Variants in PDE4B observed in about 807,000 individuals in gnomAD.
PDE4B encodes phosphodiesterase 4B.
A neutral mutation model predicts 82.2 loss-of-function variants in PDE4B; 20 were observed. The observed-to-expected ratio is 0.24, with a 90% confidence interval of 0.17 to 0.35. The LOEUF (loss-of-function observed/expected upper bound fraction) is 0.35. Among genes scored for constraint, PDE4B ranks in the 10% least tolerant of loss-of-function variants. The pLI is 1.00. For synonymous variants in PDE4B, 320 were observed against 318.9 expected (o/e 1.00, Z -0.04); for missense variants, 655 against 907.2 (o/e 0.72, Z 3.57).
At chr1:65,842,072 A>G (rs1488206438) in intron 1 of PDE4B, among the ~76,000 whole-genome samples, 2 of 152,164 alleles carry the variant, frequency 1.3e-5, no homozygotes, top group Non-Finnish European at 2.9e-5. Context: ...ATGGACAATT[A>G]GAGGGAGCTA....
At chr1:65,825,626 G>A (rs527910909) in intron 1 of PDE4B, among the ~76,000 whole-genome samples, 9 of 151,946 alleles carry the variant, frequency 5.9e-5, no homozygotes, top group South Asian at 4.2e-4. Flanking sequence ...CAAGCAGTTC[G>A]CTTGAGCTCT....
rs1318329894 is a variant in PDE4B, at chr1:66,363,258, A to G, written c.1111A>G (p.Ile371Val). The G allele has an allele frequency of 6.2e-7, 1 of 1,607,172 alleles. No individual in the cohort carries two copies. The highest frequency in any genetic ancestry group is 8.5e-7 in the Non-Finnish European group (1 of 1,174,018). Residue 371 changes from isoleucine to valine, a missense_variant, in exon 11 of 17, where the codon ATA becomes GTA. This residue lies in a region of PDE4B where 283 missense variants were observed against 516.4 expected (regional missense o/e 0.55). Coordinates refer to ENST00000341517, the MANE Select transcript of PDE4B (RefSeq NM_002600.4). ...NRPLTCIMYA[I>V]FQERDLLKTF... is the part of the protein sequence containing the mutation. The stretch of plus-strand genomic sequence containing the variant: ...ACCCCTAACATGCATCATGTATGCT[A>G]TATTCCAGGTGAGTGAACAGGAGTG...
At chr1:66,193,757 A>G (rs1005426337) in intron 3 of PDE4B, among the ~76,000 whole-genome samples, 8 of 152,150 alleles carry the variant, frequency 5.3e-5, no homozygotes, top group Admixed American at 6.6e-5. Context: ...GTTATTACCT[A>G]CATGGAATGC....
intron 1 of PDE4B, among the ~76,000 whole-genome samples, chr1:65,793,752 G>C (rs1183742177): frequency 6.6e-6 from 1 of 152,220 alleles, no homozygotes; most frequent in Non-Finnish European, 1.5e-5. Context: ...CCAAGGCTCT[G>C]CCAGGAACTT....
At chr1:66,020,202 G>A (rs976329829) in intron 3 of PDE4B, among the ~76,000 whole-genome samples, 1 of 152,170 alleles carries the variant, frequency 6.6e-6, no homozygotes, top group African/African-American at 2.4e-5. Flanking sequence ...CCTGGTATAA[G>A]AACAGGTCAG....
intron 7 of PDE4B, among the ~76,000 whole-genome samples, chr1:66,302,032 C>T (rs1227108622): frequency 6.6e-6 from 1 of 152,006 alleles, no homozygotes; most frequent in Non-Finnish European, 1.5e-5. Context: ...TACAGTAAGC[C>T]CAGAAGCAAA....
intron 3 of PDE4B, among the ~76,000 whole-genome samples, chr1:66,128,926 G>A (rs974351242): frequency 6.6e-5 from 10 of 152,244 alleles, no homozygotes; most frequent in African/African-American, 1.9e-4. Flanking sequence ...AATTATTTCC[G>A]ACTTCCTCCC....
At chr1:66,076,153 C>T (rs1337360070) in intron 3 of PDE4B, among the ~76,000 whole-genome samples, 3 of 152,008 alleles carry the variant, frequency 2.0e-5, no homozygotes, top group Non-Finnish European at 2.9e-5. Flanking sequence ...ACATAGTACC[C>T]AATAGGTAGT....
At chr1:66,299,135 A>G (rs371441301) in intron 7 of PDE4B, among the ~76,000 whole-genome samples, 1 of 152,152 alleles carries the variant, frequency 6.6e-6, no homozygotes, top group Admixed American at 6.6e-5. Context: ...GTTATTAACT[A>G]TATTTACCCC....
chr1:66,088,654 T>C (rs1296008836), intron 3 of PDE4B, among the ~76,000 whole-genome samples: 1 of 152,114 alleles, frequency 6.6e-6, no homozygotes, highest in Non-Finnish European at 1.5e-5. Context: ...CTTTTTTCAA[T>C]GTCAATACTA....
intron 3 of PDE4B, among the ~76,000 whole-genome samples, chr1:66,057,893 AT>A (rs1655385785): frequency 6.6e-6 from 1 of 152,156 alleles, no homozygotes; most frequent in African/African-American, 2.4e-5. Context: ...ATGTCTTCAC[AT>A]TTCAAAATCA....
chr1:66,208,944 A>G (rs1649795034), intron 3 of PDE4B, among the ~76,000 whole-genome samples: 1 of 152,220 alleles, frequency 6.6e-6, no homozygotes, highest in African/African-American at 2.4e-5. Context: ...AAATTTCTTA[A>G]TGACTAAATG....
At chr1:66,146,561 C>T (rs1167997705) in intron 3 of PDE4B, among the ~76,000 whole-genome samples, 4 of 152,052 alleles carry the variant, frequency 2.6e-5, no homozygotes, top group Admixed American at 2.6e-4. Flanking sequence ...ACCACTGTTG[C>T]ACAACTCCAC....
At chr1:66,067,317 T>C (rs1427489171) in intron 3 of PDE4B, among the ~76,000 whole-genome samples, 1 of 152,058 alleles carries the variant, frequency 6.6e-6, no homozygotes, top group East Asian at 1.9e-4. Context: ...AGTGTAAAAG[T>C]GTTCCTATTT....
intron 3 of PDE4B, among the ~76,000 whole-genome samples, chr1:65,966,981 A>G (rs1196574267): frequency 6.6e-6 from 1 of 152,082 alleles, no homozygotes; most frequent in South Asian, 2.1e-4. Flanking sequence ...GCATGGGCAA[A>G]GACTTCATGA....
At chr1:66,211,031 T>G (rs1396229550) in intron 3 of PDE4B, among the ~76,000 whole-genome samples, 2 of 152,154 alleles carry the variant, frequency 1.3e-5, no homozygotes, top group African/African-American at 2.4e-5. Context: ...GCCTTCTAAT[T>G]ATGACATCAG....
chr1:66,258,247 A>G (rs1285427756), intron 6 of PDE4B, among the ~76,000 whole-genome samples: 2 of 152,236 alleles, frequency 1.3e-5, no homozygotes, highest in African/African-American at 4.8e-5. Context: ...TTAAAATTAA[A>G]TGTAGCAAAA....
chr1:66,174,616 C>T (rs1646897842), intron 3 of PDE4B, among the ~76,000 whole-genome samples: 1 of 151,852 alleles, frequency 6.6e-6, no homozygotes, highest in African/African-American at 2.4e-5. Flanking sequence ...ATTAGCCAGG[C>T]GTGGTGGCAC....
intron 7 of PDE4B, among the ~76,000 whole-genome samples, chr1:66,325,708 C>T (rs747478704): frequency 5.9e-5 from 9 of 152,154 alleles, no homozygotes; most frequent in Non-Finnish European, 1.0e-4. Context: ...CAAATGCTTC[C>T]TTTCCCAGGG....
Sources: gnomAD v4.1 joint callset for allele counts (sites outside exome capture counted in the v4.1 genomes callset) on GRCh38, gnomAD v4.1.1 for gene constraint, gnomAD v4.1.1 regional missense constraint, MANE v1.5 for transcripts, NCBI Gene and HGNC (gene_info 2026-07-23, HGNC 2026-07-21) for gene names.